RGS7: variants seen among roughly 807,000 people sequenced by gnomAD.
RGS7 encodes regulator of G protein signaling 7.
RGS7 carries 27 observed loss-of-function variants against 81.1 expected under a neutral mutation model. The ratio of observed to expected loss-of-function variants is 0.33; its 90% confidence interval spans 0.25 to 0.46. RGS7 has a LOEUF of 0.46. Among genes scored for constraint, RGS7 ranks in the 20% least tolerant of loss-of-function variants. RGS7 has a pLI of 1.00. For missense variants in RGS7, 396 were observed against 607.4 expected (o/e 0.65, Z 3.66); for synonymous variants, 208 against 207.7 (o/e 1.00, Z -0.01).
intron 3 of RGS7, among the ~76,000 whole-genome samples, chr1:241,002,865 T>G (rs1220988596): frequency 7.9e-5 from 12 of 152,222 alleles, no homozygotes; most frequent in Admixed American, 7.8e-4. Flanking sequence ...CAATAAATTC[T>G]AATTAAAACA....
intron 2 of RGS7, among the ~76,000 whole-genome samples, chr1:241,104,855 T>C (rs895279041): frequency 5.3e-5 from 8 of 152,252 alleles, no homozygotes; most frequent in South Asian, 4.1e-4. Context: ...ATTGTTAATA[T>C]ATAAAGTGTC....
At chr1:241,325,764 T>C (rs1337713406) in intron 2 of RGS7, among the ~76,000 whole-genome samples, 2 of 152,158 alleles carry the variant, frequency 1.3e-5, no homozygotes. Flanking sequence ...TTCTCCTTTT[T>C]TTCAGTTATC....
At chr1:240,900,082 A>G (rs554510990) in intron 6 of RGS7, among the ~76,000 whole-genome samples, 1 of 152,224 alleles carries the variant, frequency 6.6e-6, no homozygotes, top group Non-Finnish European at 1.5e-5. Flanking sequence ...CGAATCGGCT[A>G]TTGAAGCTTG....
chr1:241,078,906 T>C (rs10449285), intron 3 of RGS7, among the ~76,000 whole-genome samples: 2,144 of 152,198 alleles, frequency 0.014, 55 homozygotes, highest in African/African-American at 0.048. Flanking sequence ...TCCAGGCCCC[T>C]CTACCACCGG....
At chr1:241,102,242 A>G (rs1280875499) in intron 2 of RGS7, among the ~76,000 whole-genome samples, 1 of 114,320 alleles carries the variant, frequency 8.7e-6, no homozygotes, top group Non-Finnish European at 1.6e-5. Context: ...AGACACATAA[A>G]AAAAACCCCT....
intron 4 of RGS7, among the ~76,000 whole-genome samples, chr1:240,966,016 C>T (rs747236107): frequency 1.3e-5 from 2 of 152,068 alleles, no homozygotes; most frequent in Non-Finnish European, 2.9e-5. Flanking sequence ...AGCTCTTCGT[C>T]GTATACCCGA....
intron 12 of RGS7, 125 bp downstream of exon 12, chr1:240,814,591 C>T (rs1690463274): frequency 1.5e-6 from 1 of 675,778 alleles, no homozygotes; most frequent in Non-Finnish European, 2.6e-6. Context: ...AAAACAAAAT[C>T]ACATTACTTA....
rs1477262014 is a variant in RGS7 at position 240,817,796 on chromosome 1, T to C, written c.685-1381A>G. 2.0e-5 allele frequency among the ~76,000 whole-genome samples: 3 copies of C among 152,214 alleles called. No individual in the cohort carries two copies. In the East Asian group the frequency reaches 5.8e-4, roughly 29 times the overall value. Reference sequence around the variant, plus strand: ...TTTTGTATTTTTAGTAGAGATGGGGTTTCACCATGTTGGCCAGGCTGGTCT... The same window carrying C: ...TTTTGTATTTTTAGTAGAGATGGGGCTTCACCATGTTGGCCAGGCTGGTCT... On this transcript the variant is annotated intron_variant, in intron 10 of 18. Transcript: ENST00000440928.
At chr1:241,313,222 G>T (rs934711790) in intron 2 of RGS7, among the ~76,000 whole-genome samples, 1 of 152,252 alleles carries the variant, frequency 6.6e-6, no homozygotes, top group Admixed American at 6.5e-5. Flanking sequence ...ATCTAGCCAA[G>T]AGAATTGATG....
rs542578309 is a variant in RGS7, at chr1:241,140,988, T to C, written c.79-42226A>G. Among the ~76,000 whole-genome samples the C allele has an allele frequency of 4.6e-5, 7 of 152,236 alleles. No homozygotes were observed. In the South Asian group the frequency reaches 1.2e-3, roughly 27 times the overall value. Reference sequence around the variant, plus strand: ...TACCTTGCTTTGTACTCACTTGCAGTAGGAGACAATTCCCACCACCTTCAC... The same window carrying C: ...TACCTTGCTTTGTACTCACTTGCAGCAGGAGACAATTCCCACCACCTTCAC... On this transcript the variant is annotated intron_variant, in intron 2 of 18. Coordinates refer to ENST00000440928, the MANE Select transcript of RGS7 (RefSeq NM_001364886.1).
chr1:241,199,556 C>T (rs2073342788), intron 2 of RGS7, among the ~76,000 whole-genome samples: 1 of 151,748 alleles, frequency 6.6e-6, no homozygotes, highest in African/African-American at 2.4e-5. Context: ...GTGTTACTTA[C>T]ATTTGACATG....
At chr1:240,940,799 A>C in intron 4 of RGS7, among the ~76,000 whole-genome samples, 1 of 126,246 alleles carries the variant, frequency 7.9e-6, no homozygotes, top group African/African-American at 2.6e-5. Flanking sequence ...GCTACAAAAA[A>C]GAAAAACAGA....
intron 4 of RGS7, among the ~76,000 whole-genome samples, chr1:240,973,247 C>T (rs1049790948): frequency 1.3e-5 from 2 of 152,036 alleles, no homozygotes; most frequent in African/African-American, 2.4e-5. Flanking sequence ...AGGCTGGGGG[C>T]CATGGCTCAC....
chr1:241,208,702 G>A (rs893017217), intron 2 of RGS7, among the ~76,000 whole-genome samples: 1 of 152,096 alleles, frequency 6.6e-6, no homozygotes, highest in Non-Finnish European at 1.5e-5. Flanking sequence ...AACATCCTCG[G>A]CAACACTACA....
intron 3 of RGS7, among the ~76,000 whole-genome samples, chr1:241,014,324 C>T (rs1403273668): frequency 1.3e-5 from 2 of 152,190 alleles, no homozygotes; most frequent in African/African-American, 2.4e-5. Flanking sequence ...GCCTTCAATA[C>T]ATAAAACATG....
At chr1:241,242,848 T>C (rs1286525050) in intron 2 of RGS7, among the ~76,000 whole-genome samples, 1 of 152,204 alleles carries the variant, frequency 6.6e-6, no homozygotes, top group Non-Finnish European at 1.5e-5. Context: ...TTCTTCCTGA[T>C]TTTTGGAGTT....
chr1:240,816,714 T>C (rs1320382223), intron 10 of RGS7, among the ~76,000 whole-genome samples: 2 of 152,214 alleles, frequency 1.3e-5, no homozygotes, highest in African/African-American at 4.8e-5. Context: ...AGTTGGAGAA[T>C]GTCAACACTA....
At chr1:241,066,771 T>C (rs1032313366) in intron 3 of RGS7, among the ~76,000 whole-genome samples, 5 of 152,234 alleles carry the variant, frequency 3.3e-5, no homozygotes, top group African/African-American at 1.2e-4. Context: ...TCTATTTACA[T>C]GCATTTGTGC....
intron 4 of RGS7, among the ~76,000 whole-genome samples, chr1:240,944,425 C>T (rs1309268127): frequency 1.3e-5 from 2 of 150,544 alleles, no homozygotes; most frequent in Non-Finnish European, 3.0e-5. Flanking sequence ...TGGCAAGGGC[C>T]AGGGCAGTAA....
Sources: allele counts gnomAD v4.1 joint callset (sites outside exome capture counted in the v4.1 genomes callset), GRCh38; gene constraint gnomAD v4.1.1; transcripts MANE v1.5; gene names NCBI Gene and HGNC (gene_info 2026-07-23, HGNC 2026-07-21).